The following ZSWIM5 variants were observed in gnomAD, a reference collection of about 807,000 sequenced individuals.
ZSWIM5 encodes zinc finger SWIM domain-containing protein 5.
A neutral mutation model predicts 119.6 loss-of-function variants in ZSWIM5; 55 were observed. The observed-to-expected ratio is 0.46, with a 90% CI of 0.37 to 0.58. The LOEUF is 0.58. Among genes scored for constraint, ZSWIM5 ranks in the 20% least tolerant of loss-of-function variants. The pLI is 0.00. For synonymous variants in ZSWIM5, 537 were observed against 606.9 expected, an observed-to-expected ratio of 0.88 and a Z score of 1.69; for missense variants, 1,193 against 1,512.8, an observed-to-expected ratio of 0.79 and a Z score of 3.51.
At chr1:45,058,254 G>T (rs1425776100) in intron 4 of ZSWIM5, among the ~76,000 whole-genome samples, 1 of 152,228 alleles carries the variant, frequency 6.6e-6, no homozygotes, top group Admixed American at 6.5e-5. Context: ...AGGTCTGGCT[G>T]GGAGTGATAC....
chr1:45,165,766 G>C lies in ZSWIM5; in HGVS notation c.595+39990C>G, dbSNP rs1645897965. Among the ~76,000 whole-genome samples the C allele has an allele frequency of 4.6e-5, 7 of 152,182 alleles. No individual in the cohort carries two copies. The South Asian group carries it at 1.2e-3, about 27-fold the overall frequency. On this transcript the variant is annotated intron_variant, in intron 1 of 13. Coordinates refer to ENST00000359600, the MANE Select transcript of ZSWIM5 (RefSeq NM_020883.2). Reference sequence around the variant, plus strand: ...CATACACCCTCCCAAGACTAAACCAGGAAGAAGTTGAATCCCTGAATAGAC... The same window carrying C: ...CATACACCCTCCCAAGACTAAACCACGAAGAAGTTGAATCCCTGAATAGAC...
intron 1 of ZSWIM5, among the ~76,000 whole-genome samples, chr1:45,091,237 C>T (rs1645362384): frequency 1.3e-5 from 2 of 152,128 alleles, no homozygotes; most frequent in African/African-American, 4.8e-5. Context: ...CTTAATTTCC[C>T]TCGGGCCATT....
intron 3 of ZSWIM5, 139 bp from the exon 4 acceptor site, chr1:45,058,898 T>C (rs1423504277): frequency 5.5e-6 from 5 of 916,884 alleles, no homozygotes; most frequent in Non-Finnish European, 6.7e-6. Flanking sequence ...AGGCCTCTTG[T>C]TCTGTAAGCA....
At chr1:45,067,481 T>C (rs1645191205) in intron 2 of ZSWIM5, among the ~76,000 whole-genome samples, 1 of 151,584 alleles carries the variant, frequency 6.6e-6, no homozygotes, top group Admixed American at 6.6e-5. Context: ...GAAATACATT[T>C]GTGTGTCTTG....
chr1:45,018,687 G>A lies in ZSWIM5; in HGVS notation c.3325C>T (p.Arg1109Cys), dbSNP rs889778571. The change falls in exon 14 of 14, where the codon CGC becomes TGC. Residue 1109 changes from arginine (R) to cysteine (C), a missense_variant. This residue lies in a region of ZSWIM5 where 961 missense variants were observed against 1,290.0 expected (regional missense o/e 0.74). Coordinates refer to ENST00000359600, the MANE Select transcript of ZSWIM5 (RefSeq NM_020883.2). This position sits in a 1 kb window ranked among gnomAD's most constrained non-coding sequence, Gnocchi z 6.7. ...TTGATGGTGGCATCCAGCAACTGGC[G>A]CAATGGAGCTTTGTCAGTGGACATG... Reference protein sequence around the residue: ...KLMSTDKAPLRQLLDATINAY... With the variant: ...KLMSTDKAPLCQLLDATINAY... 9.3e-6 allele frequency: 15 copies of A among 1,614,126 alleles called. No homozygotes were observed. The highest frequency in any genetic ancestry group is 6.7e-5 in the Admixed American group (4 of 60,014).
chr1:45,182,912 C>T (rs1378796730), intron 1 of ZSWIM5, among the ~76,000 whole-genome samples: 2 of 151,472 alleles, frequency 1.3e-5, no homozygotes, highest in Non-Finnish European at 3.0e-5. Context: ...TAGACATCTA[C>T]AGAACTCTCC....
chr1:45,196,384 C>CTTTTTTTT (rs767673983), intron 1 of ZSWIM5, among the ~76,000 whole-genome samples: 15 of 76,388 alleles, frequency 2.0e-4, no homozygotes, highest in Non-Finnish European at 3.0e-4. Flanking sequence ...CCCACAATTC[C>CTTTTTTTT]TTTTTTTTTT....
At chr1:45,126,826 T>A (rs1288551825) in intron 1 of ZSWIM5, among the ~76,000 whole-genome samples, 1 of 152,156 alleles carries the variant, frequency 6.6e-6, no homozygotes, top group African/African-American at 2.4e-5. Context: ...CCAAATCATT[T>A]TATTAGAAAA....
intron 1 of ZSWIM5, among the ~76,000 whole-genome samples, chr1:45,182,507 T>C (rs561869452): frequency 6.3e-4 from 96 of 151,898 alleles, no homozygotes; most frequent in Admixed American, 1.9e-3. Flanking sequence ...GAAACCCATC[T>C]CACGTGCAGA....
chr1:45,074,557 A>G (rs1031489786), intron 2 of ZSWIM5, among the ~76,000 whole-genome samples: 6 of 151,834 alleles, frequency 4.0e-5, no homozygotes, highest in African/African-American at 9.7e-5. Context: ...TTTCTGTGGT[A>G]TCAGCTGTAA....
chr1:45,167,600 C>T lies in ZSWIM5; in HGVS notation c.595+38156G>A, dbSNP rs543479601. 2.6e-4 allele frequency among the ~76,000 whole-genome samples: 40 copies of T among 152,172 alleles called. No individual in the cohort carries two copies. The South Asian group carries it at 7.0e-3, about 27-fold the overall frequency. Reference sequence around the variant, plus strand: ...CTGACAAAGGGCTAATATCCAGAATCTACAAAGAACTCAAACAAATTTACA... The same window carrying T: ...CTGACAAAGGGCTAATATCCAGAATTTACAAAGAACTCAAACAAATTTACA... On this transcript the variant is annotated intron_variant, in intron 1 of 13. Coordinates refer to ENST00000359600, the MANE Select transcript of ZSWIM5 (RefSeq NM_020883.2).
intron 1 of ZSWIM5, among the ~76,000 whole-genome samples, chr1:45,196,068 G>T (rs1214885979): frequency 3.2e-5 from 4 of 125,748 alleles, no homozygotes; most frequent in Admixed American, 8.0e-5. Flanking sequence ...TAAAGATGAG[G>T]TCTCAATATG....
chr1:45,095,682 A>G (rs1645397093), intron 1 of ZSWIM5, among the ~76,000 whole-genome samples: 2 of 152,112 alleles, frequency 1.3e-5, no homozygotes, highest in African/African-American at 4.8e-5. Context: ...CTTTCTTTTC[A>G]TGCTGTTGAG....
rs149382804 is a variant in ZSWIM5, at chr1:45,058,744, G to A, written c.1117C>T (p.Arg373Trp). 9.9e-4 allele frequency: 1,593 copies of A among 1,614,026 alleles called. 6 individuals are homozygous for A. The highest frequency in any genetic ancestry group is 1.2e-3 in the Non-Finnish European group (1,443 of 1,180,028). The change falls in exon 4 of 14, where the codon CGG (arginine) becomes TGG (tryptophan). Residue 373 changes from arginine (R) to tryptophan (W), a missense_variant. Physicochemically the swap from Arg to Trp is moderately radical, Grantham distance 101 (BLOSUM62 -3). Around this residue, in one of 2 missense-constraint regions of ZSWIM5, gnomAD observed 961 missense variants for 1,290.0 expected, o/e 0.74. Coordinates refer to ENST00000359600, the MANE Select transcript of ZSWIM5 (RefSeq NM_020883.2). ...SMFAKVREML[R>W]MRDSNGARML... ...CTTGCTCCATTGGAATCTCTCATCC[G>A]CAGCATTTCTCGAACCTGACACATA...
intron 2 of ZSWIM5, chr1:45,070,376 C>A: frequency 7.0e-7 from 1 of 1,429,664 alleles, no homozygotes; most frequent in Non-Finnish European, 9.9e-7. Flanking sequence ...GCTTCTTCAG[C>A]TTCAGGTTAG....
At chr1:45,054,001 G>A (rs1645105824) in intron 4 of ZSWIM5, among the ~76,000 whole-genome samples, 1 of 152,052 alleles carries the variant, frequency 6.6e-6, no homozygotes, top group African/African-American at 2.4e-5. Flanking sequence ...AAAAAGTGTT[G>A]GCTTGGTACA....
chr1:45,085,473 T>G (rs1463125445), intron 2 of ZSWIM5, among the ~76,000 whole-genome samples: 2 of 152,144 alleles, frequency 1.3e-5, no homozygotes, highest in Non-Finnish European at 2.9e-5. Context: ...TTTTCCAAAC[T>G]TTTACACTCT....
At chr1:45,097,221 C>T (rs912032774) in intron 1 of ZSWIM5, among the ~76,000 whole-genome samples, 3 of 152,142 alleles carry the variant, frequency 2.0e-5, no homozygotes, top group Non-Finnish European at 4.4e-5. Flanking sequence ...TGGGGAATCC[C>T]GAGCATGGGC....
At chr1:45,083,057 C>A (rs974742712) in intron 2 of ZSWIM5, among the ~76,000 whole-genome samples, 5 of 152,114 alleles carry the variant, frequency 3.3e-5, no homozygotes, top group African/African-American at 1.2e-4. Context: ...GGGCAGAACT[C>A]AGGTCTCAAA....
Sources: allele counts gnomAD v4.1 joint callset (sites outside exome capture counted in the v4.1 genomes callset), GRCh38; gene constraint gnomAD v4.1.1; regional missense constraint gnomAD v4.1.1; non-coding constraint Gnocchi (gnomAD v3.1); transcripts MANE v1.5; gene names NCBI Gene and HGNC (gene_info 2026-07-23, HGNC 2026-07-21).